Variants in TOP1MT observed in about 807,000 individuals in gnomAD.
The protein encoded by TOP1MT is DNA topoisomerase I mitochondrial, also known as DNA topoisomerase I, mitochondrial.
In TOP1MT, 80 loss-of-function variants were observed where a neutral mutation model predicts 73.9. The observed-to-expected ratio is 1.08, with a 90% CI of 0.90 to 1.30. The LOEUF is 1.30. TOP1MT is among the 50% of genes most tolerant of loss of function. The probability of loss-of-function intolerance (pLI) is 0.00; values close to 1 mark genes in which losing one functional copy is unlikely to be tolerated. For missense variants in TOP1MT, 815 were observed against 808.0 expected (o/e 1.01, Z -0.10); for synonymous variants, 338 against 326.4 (o/e 1.04, Z -0.38).
chr8:143,326,688 T>C (rs185906406), intron 3 of TOP1MT, among the ~76,000 whole-genome samples: 142 of 152,282 alleles, frequency 9.3e-4, no homozygotes, highest in African/African-American at 3.3e-3. Flanking sequence ...CTCTCCAGTA[T>C]GAAAACCCGG....
chr8:143,322,249 C>G (rs1432635179), intron 7 of TOP1MT, among the ~76,000 whole-genome samples: 5 of 43,494 alleles, frequency 1.1e-4, no homozygotes, highest in Non-Finnish European at 1.7e-4. Flanking sequence ...ATGCCACACA[C>G]GCACGCCACA....
intron 2 of TOP1MT, among the ~76,000 whole-genome samples, chr8:143,340,283 C>T (rs1296199456): frequency 4.2e-5 from 5 of 119,554 alleles, no homozygotes; most frequent in Non-Finnish European, 9.4e-5. Flanking sequence ...CACAGCATTC[C>T]CCCCTCCCAG....
chr8:143,337,856 G>A (rs552701030), upstream of TOP1MT, among the ~76,000 whole-genome samples: 79 of 152,308 alleles, frequency 5.2e-4, no homozygotes, highest in Non-Finnish European at 8.4e-4. Flanking sequence ...AATCGCTTCT[G>A]TTATCTACAG....
intron 3 of TOP1MT, among the ~76,000 whole-genome samples, chr8:143,328,853 C>T (rs7822095): frequency 0.027 from 4,118 of 152,242 alleles, 197 homozygotes; most frequent in African/African-American, 0.094. Context: ...ACAGAATCCG[C>T]GGCACACACA....
At position 143,324,508 on chromosome 8, in the gene TOP1MT, G is replaced by C. The variant is rs1052633408; in HGVS notation, c.793C>G (p.Leu265Val). Reference sequence around the variant, plus strand: ...ACCTTCAGCTTCGAGCAAGGGTTCAGCATGATGTACTTGATGGAGTTCTGA... The same window carrying C: ...ACCTTCAGCTTCGAGCAAGGGTTCACCATGATGTACTTGATGGAGTTCTGA... ...SVQNSIKYIM[L>V]NPCSKLKGET... Residue 265 changes from leucine (L) to valine (V), a missense_variant, in exon 6 of 14, where the codon CTG becomes GTG. This residue lies in a region of TOP1MT where 751 missense variants were observed against 725.4 expected (regional missense o/e 1.04). Transcript: ENST00000329245. 2 of 1,613,982 alleles carry C rather than the reference G, an allele frequency of 1.2e-6. No individual in the cohort carries two copies. The highest frequency in any genetic ancestry group is 8.5e-7 in the Non-Finnish European group (1 of 1,180,026).
chr8:143,350,046 G>GT (rs1817295308), intron 1 of TOP1MT: 1 of 152,156 alleles, frequency 6.6e-6, no homozygotes, highest in African/African-American at 2.4e-5. Flanking sequence ...CTTCCATTGA[G>GT]TGCCCACCCT....
intron 3 of TOP1MT, among the ~76,000 whole-genome samples, chr8:143,326,731 G>A (rs866284677): frequency 7.2e-5 from 11 of 152,208 alleles, no homozygotes; most frequent in Admixed American, 3.3e-4. Context: ...CTGCAGAAAC[G>A]TCATGACCGG....
upstream of TOP1MT, among the ~76,000 whole-genome samples, chr8:143,346,552 T>C (rs979350931): frequency 2.0e-5 from 3 of 152,138 alleles, no homozygotes; most frequent in African/African-American, 7.2e-5. Flanking sequence ...GAGGCTGACA[T>C]GGGAGGATCA....
chr8:143,324,052 A>G lies in TOP1MT; in HGVS notation c.907T>C (p.Ser303Pro). ...IRSQYRADWKSREMKTRQRAV... is the reference protein window; with the variant it reads ...IRSQYRADWKPREMKTRQRAV... Reference sequence around the variant, plus strand: ...CGCTGTCTCGTCTTCATTTCCCGAGACTTCCAGTCAGCCCGGTACTGGGAG... The same window carrying G: ...CGCTGTCTCGTCTTCATTTCCCGAGGCTTCCAGTCAGCCCGGTACTGGGAG... The change falls in exon 7 of 14, where the codon TCT becomes CCT. Residue 303 changes from serine (S) to proline (P), a missense_variant. Ser to Pro is a moderately conservative substitution (Grantham distance 74). This residue lies in a region of TOP1MT where 751 missense variants were observed against 725.4 expected (regional missense o/e 1.04). Transcript: ENST00000329245. 1 of 1,613,858 alleles carries G rather than the reference A, an allele frequency of 6.2e-7. No individual in the cohort carries two copies.
intron 1 of TOP1MT, among the ~76,000 whole-genome samples, chr8:143,353,995 T>C (rs1016738566): frequency 1.4e-5 from 2 of 138,464 alleles, no homozygotes; most frequent in Admixed American, 7.0e-5. Flanking sequence ...AAAAAGTCTG[T>C]TGGTTCTTCA....
intron 12 of TOP1MT, among the ~76,000 whole-genome samples, chr8:143,311,416 C>T (rs922697458): frequency 6.6e-6 from 1 of 152,146 alleles, no homozygotes; most frequent in Non-Finnish European, 1.5e-5. Flanking sequence ...CCTGCATCTC[C>T]GGATGCTCAT....
At chr8:143,356,322 C>T (rs961793691), upstream of TOP1MT, among the ~76,000 whole-genome samples, 6 of 152,248 alleles carry the variant, frequency 3.9e-5, no homozygotes, top group Non-Finnish European at 7.3e-5. Context: ...GTCCCCACAC[C>T]TAACTCCAGC....
intron 6 of TOP1MT, 147 bp downstream of exon 6, chr8:143,324,338 T>C: frequency 7.3e-7 from 1 of 1,364,954 alleles, no homozygotes; most frequent in Non-Finnish European, 1.0e-6. Context: ...GGCTTGTGCC[T>C]GCTGGCACAG....
chr8:143,312,265 C>T (rs182607007), intron 12 of TOP1MT, among the ~76,000 whole-genome samples: 4 of 152,286 alleles, frequency 2.6e-5, no homozygotes, highest in African/African-American at 9.6e-5. Context: ...AAATCAATGA[C>T]ATCATAAGAA....
chr8:143,341,762 A>C lies in TOP1MT; in HGVS notation c.29+1458T>G, dbSNP rs1817085399. ...CACCCTGACCCAGACACAAAACACC[A>C]GAAAGGGAAGGTCACAGAGCACTAT... On this transcript the variant is annotated intron_variant, in intron 2 of 5. Coordinates refer to the TOP1MT transcript ENST00000518007. The surrounding 1 kb of genome is among the most constrained non-coding windows in gnomAD (Gnocchi z 4.1). Among the ~76,000 whole-genome samples, 1 of 152,140 alleles carries C rather than the reference A, an allele frequency of 6.6e-6. No individual in the cohort carries two copies. The highest frequency in any genetic ancestry group is 2.4e-5 in the African/African-American group (1 of 41,424).
At chr8:143,326,388 A>G (rs1816708785) in intron 3 of TOP1MT, 44 bp from the exon 4 acceptor site, 1 of 1,609,030 alleles carries the variant, frequency 6.2e-7, no homozygotes, top group Non-Finnish European at 8.5e-7. Context: ...TCTGAAGGAC[A>G]GACATGCAGA....
chr8:143,350,998 G>A (rs1817310337), intron 1 of TOP1MT, among the ~76,000 whole-genome samples: 1 of 152,118 alleles, frequency 6.6e-6, no homozygotes, highest in South Asian at 2.1e-4. Flanking sequence ...CCCGCTGGTC[G>A]CTTCAGTGAA....
At chr8:143,318,645 G>C (rs926005682) in intron 8 of TOP1MT, among the ~76,000 whole-genome samples, 1 of 152,170 alleles carries the variant, frequency 6.6e-6, no homozygotes, top group East Asian at 1.9e-4. Context: ...TGAGCGCTGG[G>C]CATCGGCTCC....
At chr8:143,357,760 A>G (rs1292145840), upstream of TOP1MT, among the ~76,000 whole-genome samples, 1 of 152,134 alleles carries the variant, frequency 6.6e-6, no homozygotes, top group Non-Finnish European at 1.5e-5. Flanking sequence ...CGTATCTACT[A>G]AAAATACAAA....
Sources: allele counts gnomAD v4.1 joint callset (sites outside exome capture counted in the v4.1 genomes callset), GRCh38; gene constraint gnomAD v4.1.1; regional missense constraint gnomAD v4.1.1; non-coding constraint Gnocchi (gnomAD v3.1); transcripts MANE v1.5; gene names NCBI Gene and HGNC (gene_info 2026-07-23, HGNC 2026-07-21).